Variants in SAPCD2 observed in about 807,000 individuals in gnomAD.
SAPCD2 encodes the protein suppressor APC domain-containing protein 2.
Under a neutral mutation model 37.8 loss-of-function variants are expected in SAPCD2, and 34 were observed. That is an observed-to-expected ratio of 0.90 (90% CI 0.68 to 1.20). The LOEUF (loss-of-function observed/expected upper bound fraction) is 1.20, where lower values mean the gene tolerates loss of function less well. SAPCD2 is among the 50% of genes most tolerant of loss of function. SAPCD2 has a pLI of 0.00. For missense variants in SAPCD2, 572 were observed against 584.7 expected (o/e 0.98, Z 0.22); for synonymous variants, 275 against 270.3 (o/e 1.02, Z -0.17).
In SAPCD2 at chr9:137,065,577, T is replaced by C; in HGVS notation, c.776A>G (p.Gln259Arg). The C allele has an allele frequency of 6.2e-7, 1 of 1,610,252 alleles. No homozygotes were observed. Among genetic ancestry groups the C allele is most frequent in the East Asian group, 2.2e-5 (1 of 44,736 alleles). ...CTGGCGCTCCTGCACTCGTTGCAGC[T>C]GCTGCTGGTACCAGTCGCGGCCCCG... ...MARGRDWYQQQLQRVQERQRR... is the reference protein window; with the variant it reads ...MARGRDWYQQRLQRVQERQRR... Residue 259 changes from glutamine to arginine, a missense_variant, in exon 3 of 6, where the codon CAG becomes CGG. Transcript: ENST00000409687.
intron 3 of SAPCD2, 84 bp downstream of exon 3, chr9:137,065,438 G>C (rs1438711921): frequency 2.8e-6 from 4 of 1,445,890 alleles, no homozygotes; most frequent in African/African-American, 2.8e-5. Context: ...TCCGGGAATA[G>C]GGGCAGCCAC....
intron 1 of SAPCD2, among the ~76,000 whole-genome samples, chr9:137,069,040 G>A (rs950703602): frequency 6.6e-6 from 1 of 152,230 alleles, no homozygotes; most frequent in Non-Finnish European, 1.5e-5. Flanking sequence ...CACAGGGACC[G>A]GCAGGAGCCA....
intron 2 of SAPCD2, 67 bp downstream of exon 2, chr9:137,066,195 G>A (rs747582550): frequency 3.4e-5 from 43 of 1,274,196 alleles, no homozygotes; most frequent in Non-Finnish European, 4.4e-5. Context: ...AGGCCCCCCT[G>A]CTCCCATCCC....
chr9:137,069,650 T>G (rs978096221), intron 1 of SAPCD2, among the ~76,000 whole-genome samples: 13 of 152,150 alleles, frequency 8.5e-5, no homozygotes, highest in African/African-American at 2.9e-4. Context: ...GGTGGCCTTA[T>G]GCTGTGGCAG....
intron 1 of SAPCD2, 126 bp from the exon 2 acceptor site, chr9:137,066,500 G>A (rs543233593): frequency 5.5e-5 from 36 of 657,600 alleles, no homozygotes; most frequent in Middle Eastern, 6.6e-4. Context: ...CATGGCCCAC[G>A]TGTAGCCTCT....
At chr9:137,067,802 A>AAAG (rs1832570261) in intron 1 of SAPCD2, among the ~76,000 whole-genome samples, 1 of 127,692 alleles carries the variant, frequency 7.8e-6, no homozygotes, top group Non-Finnish European at 1.6e-5. Context: ...AAAAAAAAAA[A>AAAG]GTCCCGCGTG....
rs774451663 is a variant in SAPCD2 at position 137,070,313 on chromosome 9, G to A, written c.148C>T (p.Arg50Cys). 21 of 1,477,412 alleles carry A rather than the reference G, an allele frequency of 1.4e-5. No homozygotes were observed. The highest frequency in any genetic ancestry group is 1.7e-5 in the Non-Finnish European group (19 of 1,117,334). The allele number at this position is 1,477,412 out of a possible 1,614,324, so 91.5% of individuals were successfully genotyped here. ...DDRRRGCVHLREIESRWQGTD... is the reference protein window; with the variant it reads ...DDRRRGCVHLCEIESRWQGTD... ...CCCTGCCAGCGGGACTCGATCTCGC[G>A]CAGGTGCACGCAGCCGCGCCGCCGG... Residue 50 changes from arginine to cysteine, a missense_variant, in exon 1 of 6, where the codon CGC becomes TGC. Coordinates refer to ENST00000409687, the MANE Select transcript of SAPCD2 (RefSeq NM_178448.4).
In SAPCD2 at chr9:137,065,593, C is replaced by T. The variant is rs201184316; in HGVS notation, c.760G>A (p.Asp254Asn). 52 of 1,610,542 alleles carry T rather than the reference C, an allele frequency of 3.2e-5. No individual in the cohort carries two copies. Among genetic ancestry groups the T allele is most frequent in the Admixed American group, 2.7e-4 (16 of 59,774 alleles). Residue 254 changes from aspartate to asparagine, a missense_variant, in exon 3 of 6, where the codon GAC (aspartate) becomes AAC (asparagine). Coordinates refer to ENST00000409687, the MANE Select transcript of SAPCD2 (RefSeq NM_178448.4). Reference protein sequence around the residue: ...QGLEMMARGRDWYQQQLQRVQ... With the variant: ...QGLEMMARGRNWYQQQLQRVQ... ...CGTTGCAGCTGCTGCTGGTACCAGTCGCGGCCCCGCGCCATCATCTCCAAA... is the reference window on the plus strand; with the variant it reads ...CGTTGCAGCTGCTGCTGGTACCAGTTGCGGCCCCGCGCCATCATCTCCAAA...
rs1588562764 is a variant in SAPCD2 at position 137,064,340 on chromosome 9, C to T, written c.*319G>A. ...GGACCCAGGGCGGCACCGCTGGAAA[C>T]GGGGGGACGCTAACTCATGGAGGGG... is the stretch of plus-strand genomic sequence containing the variant. On this transcript the variant is annotated 3_prime_UTR_variant, in exon 6 of 6. Coordinates refer to ENST00000409687, the MANE Select transcript of SAPCD2 (RefSeq NM_178448.4). The T allele has an allele frequency of 7.2e-6, 3 of 416,176 alleles. No homozygotes were observed. The highest frequency in any genetic ancestry group is 5.3e-5 in the East Asian group (1 of 18,736). 25.8% of individuals were successfully genotyped at this position (416,176 alleles called of 1,614,324 possible).
At chr9:137,065,270 G>A in intron 3 of SAPCD2, 85 bp from the exon 4 acceptor site, 2 of 1,046,330 alleles carry the variant, frequency 1.9e-6, no homozygotes, top group Non-Finnish European at 2.7e-6. Context: ...CCCACAGGTG[G>A]CTCTCCTGCC....
At chr9:137,069,845 GC>G (rs1832598149) in intron 1 of SAPCD2, 44 bp downstream of exon 1, 2 of 1,200,822 alleles carry the variant, frequency 1.7e-6, no homozygotes, top group African/African-American at 3.2e-5. Context: ...TCTGGCCCGG[GC>G]CCGGGAGAGC....
rs1162180449 is a variant in SAPCD2, at chr9:137,064,707, G to A, written c.1137C>T (p.Arg379=). 13 of 1,595,114 alleles carry A rather than the reference G, an allele frequency of 8.1e-6. No homozygotes were observed. Among genetic ancestry groups the A allele is most frequent in the African/African-American group, 1.3e-5 (1 of 74,534 alleles). The change falls in exon 6 of 6, where the codon CGC becomes CGT. Residue 379 remains arginine, a synonymous_variant. Coordinates refer to ENST00000409687, the MANE Select transcript of SAPCD2 (RefSeq NM_178448.4). ...GTCCCCCGTCCTGCTGGCTCAGGGC[G>A]CGGGCCTCAAACAGCTGCTTAATGA... ...SALIKQLFEA[R]ALSQQDGGPL... is the part of the protein sequence containing the mutation.
chr9:137,064,600 C>T lies in SAPCD2; in HGVS notation c.*59G>A. On this transcript the variant is annotated 3_prime_UTR_variant, in exon 6 of 6. Transcript: ENST00000409687. ...CAGAGAGGGTGGGTGCGATGGGGCGCCCACCCTCGAAGGGCTGAGTGCCAG... is the reference window on the plus strand; with the variant it reads ...CAGAGAGGGTGGGTGCGATGGGGCGTCCACCCTCGAAGGGCTGAGTGCCAG... 1 of 1,550,974 alleles carries T rather than the reference C, an allele frequency of 6.4e-7. No homozygotes were observed. Among genetic ancestry groups the T allele is most frequent in the Non-Finnish European group, 8.7e-7 (1 of 1,147,274 alleles).
chr9:137,068,271 G>A (rs1042744055), intron 1 of SAPCD2, among the ~76,000 whole-genome samples: 1 of 152,220 alleles, frequency 6.6e-6, no homozygotes, highest in African/African-American at 2.4e-5. Flanking sequence ...ACAGAGGGAG[G>A]CCATAGAGGA....
At chr9:137,069,847 C>A in intron 1 of SAPCD2, 43 bp downstream of exon 1, 3 of 1,211,414 alleles carry the variant, frequency 2.5e-6, no homozygotes, top group South Asian at 3.1e-5. Flanking sequence ...TGGCCCGGGC[C>A]CGGGAGAGCT....
intron 2 of SAPCD2, 45 bp from the exon 3 acceptor site, chr9:137,065,713 C>A (rs374016120): frequency 1.9e-6 from 3 of 1,563,388 alleles, no homozygotes; most frequent in Non-Finnish European, 2.6e-6. Context: ...CCAGTGAGCA[C>A]GCACACGTCC....
At position 137,070,015 on chromosome 9, in the gene SAPCD2, GC is replaced by G; in HGVS notation, c.445del (p.Ala149ProfsTer81). On this transcript the variant is annotated frameshift_variant, in exon 1 of 6. Coordinates refer to ENST00000409687, the MANE Select transcript of SAPCD2 (RefSeq NM_178448.4). LOFTEE classifies it high-confidence loss of function. ...GCTGCGGGCGGCGGCGCTGGGACCG[GC>G]CAGAGGGGCGCGCACGCCCAGGGGC... Reference protein sequence around the residue: ...PLPLGVRAPLAGPSAAARSPE... With the variant: ...PLPLGVRAPLXGPSAAARSPE... 1 of 1,208,174 alleles carries G rather than the reference GC, an allele frequency of 8.3e-7. No homozygotes were observed. Among genetic ancestry groups the G allele is most frequent in the Non-Finnish European group, 1.0e-6 (1 of 972,804 alleles). The allele number at this position is 1,208,174 out of a possible 1,614,324, so 74.8% of individuals were successfully genotyped here.
chr9:137,070,038 G>A lies in SAPCD2; in HGVS notation c.423C>T (p.Pro141=), dbSNP rs1253656215. ...CGGCCAGAGGGGCGCGCACGCCCAG[G>A]GGCAGGGGCTTCCTCTCCAGGACCG... is the stretch of plus-strand genomic sequence containing the variant. The part of the protein sequence containing the change: ...PRTVLERKPL[P]LGVRAPLAGP... The change falls in exon 1 of 6, where the codon CCC becomes CCT. Residue 141 remains proline, a synonymous_variant. Coordinates refer to ENST00000409687, the MANE Select transcript of SAPCD2 (RefSeq NM_178448.4). 3.3e-6 allele frequency: 4 copies of A among 1,201,088 alleles called. No individual in the cohort carries two copies. In the African/African-American group the frequency reaches 4.8e-5, roughly 14 times the overall value. The allele number at this position is 1,201,088 out of a possible 1,614,324, so 74.4% of individuals were successfully genotyped here. A position where few individuals can be genotyped will look rare whatever the true frequency, so the allele number is the denominator to read the frequency against.
At position 137,065,684 on chromosome 9, in the gene SAPCD2, T is replaced by C. The variant is rs748324257; in HGVS notation, c.685-16A>G. On this transcript the variant is annotated splice_polypyrimidine_tract_variant and intron_variant, in intron 2 of 5. Transcript: ENST00000409687. ...TCTGCTTCAGCTGCAATACGTGCAT[T>C]TACATGGAATGCCTGGCCCCAGTGA... 3 of 1,590,016 alleles carry C rather than the reference T, an allele frequency of 1.9e-6. No homozygotes were observed. The African/African-American group carries it at 4.0e-5, about 21-fold the overall frequency.
Sources: gnomAD v4.1 joint callset for allele counts (sites outside exome capture counted in the v4.1 genomes callset) on GRCh38, gnomAD v4.1.1 for gene constraint, MANE v1.5 for transcripts, NCBI Gene and HGNC (gene_info 2026-07-23, HGNC 2026-07-21) for gene names.